Variants in MB21D2 observed in about 807,000 individuals in gnomAD.
MB21D2 encodes the protein Mab-21 domain containing 2, also known as nucleotidyltransferase MB21D2.
Under a neutral mutation model 33.3 loss-of-function variants are expected in MB21D2, and 9 were observed. The ratio of observed to expected loss-of-function variants is 0.27; its 90% CI spans 0.16 to 0.47. The LOEUF (loss-of-function observed/expected upper bound fraction) is 0.47, where lower values mean the gene tolerates loss of function less well. Ranked by LOEUF, MB21D2 falls within the 20% of genes least tolerant of loss-of-function variation. The pLI is 0.99. For missense variants in MB21D2, 540 were observed against 624.6 expected (o/e 0.86, Z 1.44); for synonymous variants, 241 against 236.3 (o/e 1.02, Z -0.18).
intron 1 of MB21D2, among the ~76,000 whole-genome samples, chr3:192,833,183 T>C (rs939465541): frequency 6.6e-6 from 1 of 152,136 alleles, no homozygotes; most frequent in African/African-American, 2.4e-5. Context: ...TCAGGTTGTC[T>C]CCCCTCGTGG....
rs141514594 is a variant in MB21D2 at position 192,845,343 on chromosome 3, G to A, written c.212-45693C>T. On this transcript the variant is annotated intron_variant, in intron 1 of 1. Transcript: ENST00000392452. ...TTCCTAAGTCAGGCAACTGCCTTTCGCATCCCCAAAGGTTCTCATTTCACT... is the reference window on the plus strand; with the variant it reads ...TTCCTAAGTCAGGCAACTGCCTTTCACATCCCCAAAGGTTCTCATTTCACT... Among the ~76,000 whole-genome samples, 289 of 152,294 alleles carry A rather than the reference G, an allele frequency of 1.9e-3. 1 individual carries two copies. Among genetic ancestry groups the A allele is most frequent in the South Asian group, 0.016 (75 of 4,832 alleles).
chr3:192,880,976 A>C (rs113655235), intron 1 of MB21D2, among the ~76,000 whole-genome samples: 13 of 152,188 alleles, frequency 8.5e-5, no homozygotes, highest in African/African-American at 2.9e-4. Context: ...TGTACACACA[A>C]ACATATATAT....
intron 1 of MB21D2, among the ~76,000 whole-genome samples, chr3:192,909,286 T>C (rs1213176240): frequency 6.6e-6 from 1 of 151,326 alleles, no homozygotes; most frequent in Non-Finnish European, 1.5e-5. Flanking sequence ...AAAAAAATAA[T>C]AATAAATGCC....
At chr3:192,807,470 C>T (rs1385692004) in intron 1 of MB21D2, among the ~76,000 whole-genome samples, 4 of 152,112 alleles carry the variant, frequency 2.6e-5, no homozygotes, top group African/African-American at 7.2e-5. Flanking sequence ...GATGGAGATG[C>T]TCTGAATGAA....
At chr3:192,805,672 T>C (rs1315296777) in intron 1 of MB21D2, among the ~76,000 whole-genome samples, 1 of 152,188 alleles carries the variant, frequency 6.6e-6, no homozygotes, top group African/African-American at 2.4e-5. Flanking sequence ...TCATTTACTA[T>C]TCAAGTGAGG....
At chr3:192,903,092 G>T (rs60508824) in intron 1 of MB21D2, among the ~76,000 whole-genome samples, 1 of 152,192 alleles carries the variant, frequency 6.6e-6, no homozygotes, top group Non-Finnish European at 1.5e-5. Flanking sequence ...CAAACTACAA[G>T]GTGGCTTTGT....
intron 1 of MB21D2, among the ~76,000 whole-genome samples, chr3:192,826,223 A>G (rs1431753870): frequency 6.6e-6 from 1 of 152,240 alleles, no homozygotes. Flanking sequence ...AGAACCTTGC[A>G]TACTTACTTT....
intron 1 of MB21D2, among the ~76,000 whole-genome samples, chr3:192,903,076 G>A (rs938014781): frequency 1.3e-5 from 2 of 152,198 alleles, no homozygotes; most frequent in South Asian, 4.1e-4. Flanking sequence ...GCAATTAAGA[G>A]AACTTCAAAC....
chr3:192,900,004 G>A (rs1282765217), intron 1 of MB21D2, among the ~76,000 whole-genome samples: 2 of 152,106 alleles, frequency 1.3e-5, no homozygotes, highest in African/African-American at 4.8e-5. Flanking sequence ...GATTACAGAG[G>A]CCAGGCACAG....
chr3:192,842,323 T>C (rs1019189947), intron 1 of MB21D2, among the ~76,000 whole-genome samples: 1 of 152,258 alleles, frequency 6.6e-6, no homozygotes, highest in Admixed American at 6.5e-5. Context: ...CACTTGGTCA[T>C]TGAATATGTG....
At chr3:192,833,235 C>A (rs1481457246) in intron 1 of MB21D2, among the ~76,000 whole-genome samples, 4 of 152,096 alleles carry the variant, frequency 2.6e-5, no homozygotes, top group African/African-American at 4.8e-5. Flanking sequence ...CAAATGCTAA[C>A]CCTATCTTGG....
At chr3:192,814,538 G>A (rs992272928) in intron 1 of MB21D2, among the ~76,000 whole-genome samples, 5 of 152,068 alleles carry the variant, frequency 3.3e-5, no homozygotes, top group African/African-American at 9.7e-5. Flanking sequence ...GGACAAAGCT[G>A]CAGTGTTTTT....
At chr3:192,805,327 G>T (rs555469727) in intron 1 of MB21D2, among the ~76,000 whole-genome samples, 1 of 152,246 alleles carries the variant, frequency 6.6e-6, no homozygotes, top group Admixed American at 6.5e-5. Flanking sequence ...TAAGACCCTG[G>T]AAATACAGAA....
intron 1 of MB21D2, among the ~76,000 whole-genome samples, chr3:192,821,902 T>TCTCTTC (rs1322494101): frequency 1.3e-5 from 2 of 152,068 alleles, no homozygotes; most frequent in Non-Finnish European, 2.9e-5. Flanking sequence ...TCAATTTTTT[T>TCTCTTC]CTCTTCCTCT....
intron 1 of MB21D2, among the ~76,000 whole-genome samples, chr3:192,876,630 T>G (rs1207289481): frequency 1.3e-5 from 2 of 152,204 alleles, no homozygotes; most frequent in Non-Finnish European, 2.9e-5. Flanking sequence ...CTGAGGCTGA[T>G]GCTTTATGAT....
intron 1 of MB21D2, among the ~76,000 whole-genome samples, chr3:192,850,405 G>C (rs1052236269): frequency 6.6e-6 from 1 of 152,160 alleles, no homozygotes; most frequent in Non-Finnish European, 1.5e-5. Context: ...GCCACTGCAC[G>C]GTCTCTGCAA....
At chr3:192,889,376 G>A (rs976349141) in intron 1 of MB21D2, among the ~76,000 whole-genome samples, 4 of 152,060 alleles carry the variant, frequency 2.6e-5, no homozygotes, top group Admixed American at 6.5e-5. Flanking sequence ...GACCCAGAGA[G>A]CAGGAGCTCT....
intron 1 of MB21D2, among the ~76,000 whole-genome samples, chr3:192,819,153 G>A (rs946572662): frequency 1.3e-5 from 2 of 152,150 alleles, no homozygotes; most frequent in South Asian, 4.2e-4. Context: ...GCCATCCGGG[G>A]GCAAAAGTGA....
chr3:192,831,020 C>T (rs1305560250), intron 1 of MB21D2, among the ~76,000 whole-genome samples: 1 of 152,224 alleles, frequency 6.6e-6, no homozygotes, highest in Non-Finnish European at 1.5e-5. Context: ...TCCTGATACC[C>T]ATACCCTTGC....
Sources: allele counts gnomAD v4.1 joint callset (sites outside exome capture counted in the v4.1 genomes callset), GRCh38; gene constraint gnomAD v4.1.1; transcripts MANE v1.5; gene names NCBI Gene and HGNC (gene_info 2026-07-23, HGNC 2026-07-21).